RABGAP1L: variants seen among roughly 807,000 people sequenced by gnomAD.
RABGAP1L encodes the protein rab GTPase-activating protein 1-like.
A neutral mutation model predicts 137.7 loss-of-function variants in RABGAP1L; 63 were observed. That is an observed-to-expected ratio of 0.46 (90% CI 0.37 to 0.56). RABGAP1L has a LOEUF of 0.56. Among genes scored for constraint, RABGAP1L ranks in the 20% least tolerant of loss-of-function variants. The probability of loss-of-function intolerance (pLI) is 0.00; values close to 1 mark genes in which losing one functional copy is unlikely to be tolerated. For synonymous variants in RABGAP1L, 431 were observed against 433.7 expected, an observed-to-expected ratio of 0.99 and a Z score of 0.08; for missense variants, 1,095 against 1,244.0, an observed-to-expected ratio of 0.88 and a Z score of 1.80.
At chr1:174,446,326 G>A (rs971991717) in intron 13 of RABGAP1L, among the ~76,000 whole-genome samples, 1 of 152,136 alleles carries the variant, frequency 6.6e-6, no homozygotes, top group African/African-American at 2.4e-5. Flanking sequence ...ATATCCTATG[G>A]CTATTATAAA....
At chr1:174,330,759 A>G (rs1229244166) in intron 11 of RABGAP1L, among the ~76,000 whole-genome samples, 2 of 152,220 alleles carry the variant, frequency 1.3e-5, no homozygotes, top group Admixed American at 6.5e-5. Context: ...AAATGTCTAT[A>G]CTACCCAAAG....
At position 174,322,025 on chromosome 1, in the gene RABGAP1L, AT is replaced by A. The variant is rs1680042203; in HGVS notation, c.1465+16900del. 2.6e-5 allele frequency among the ~76,000 whole-genome samples: 4 copies of A among 152,092 alleles called. No individual in the cohort carries two copies. In the South Asian group the frequency reaches 8.3e-4, roughly 32 times the overall value. On this transcript the variant is annotated intron_variant, in intron 11 of 25. Coordinates refer to ENST00000681986, the MANE Select transcript of RABGAP1L (RefSeq NM_001366446.1). Reference sequence around the variant, plus strand: ...GATGTGTTTTGCACATATTTCTTTCATTCTGTAATTTGTTTTCATTTTCTGA... The same window carrying A: ...GATGTGTTTTGCACATATTTCTTTCATCTGTAATTTGTTTTCATTTTCTGA...
intron 13 of RABGAP1L, among the ~76,000 whole-genome samples, chr1:174,623,314 A>T (rs932920892): frequency 5.9e-5 from 9 of 152,188 alleles, no homozygotes; most frequent in African/African-American, 2.2e-4. Flanking sequence ...GTGGAGTCTA[A>T]CCAACAGCAA....
At chr1:174,492,843 C>T (rs1050065631) in intron 13 of RABGAP1L, among the ~76,000 whole-genome samples, 3 of 151,958 alleles carry the variant, frequency 2.0e-5, no homozygotes, top group Non-Finnish European at 2.9e-5. Context: ...AGGGTTTCTT[C>T]CTTCATCACT....
chr1:174,360,786 T>G (rs1684069891), intron 11 of RABGAP1L, among the ~76,000 whole-genome samples: 1 of 152,216 alleles, frequency 6.6e-6, no homozygotes, highest in South Asian at 2.1e-4. Context: ...ATTAATTAAC[T>G]AGTTTTTCTA....
At chr1:174,317,315 A>G (rs1357493384) in intron 11 of RABGAP1L, among the ~76,000 whole-genome samples, 1 of 152,066 alleles carries the variant, frequency 6.6e-6, no homozygotes, top group South Asian at 2.1e-4. Flanking sequence ...GTACCTGGGT[A>G]TCACTGCTGG....
chr1:174,320,187 A>C (rs1032777438), intron 11 of RABGAP1L, among the ~76,000 whole-genome samples: 1 of 152,190 alleles, frequency 6.6e-6, no homozygotes, highest in Non-Finnish European at 1.5e-5. Flanking sequence ...CACCAGAATT[A>C]TGATATGAAA....
At chr1:174,748,708 A>G (rs1179067492) in intron 17 of RABGAP1L, among the ~76,000 whole-genome samples, 1 of 151,328 alleles carries the variant, frequency 6.6e-6, no homozygotes, top group Non-Finnish European at 1.5e-5. Flanking sequence ...CTCTCTACCA[A>G]AAAAAAAGAA....
intron 14 of RABGAP1L, among the ~76,000 whole-genome samples, chr1:174,665,266 A>G (rs1183063620): frequency 6.6e-6 from 1 of 152,024 alleles, no homozygotes; most frequent in Non-Finnish European, 1.5e-5. Flanking sequence ...AACTGGAACA[A>G]ATTATTTAAC....
chr1:174,259,541 A>G (rs1673403274), intron 7 of RABGAP1L, among the ~76,000 whole-genome samples: 1 of 152,244 alleles, frequency 6.6e-6, no homozygotes, highest in Non-Finnish European at 1.5e-5. Context: ...ATAAAAGTTT[A>G]TAAAGTTAGA....
At chr1:174,215,255 G>C (rs952572447) in intron 1 of RABGAP1L, among the ~76,000 whole-genome samples, 4 of 152,048 alleles carry the variant, frequency 2.6e-5, no homozygotes, top group African/African-American at 9.6e-5. Context: ...TCAGGAGTTC[G>C]AGCCCAGCCT....
chr1:174,850,596 G>A lies in RABGAP1L; in HGVS notation c.2340+38636G>A, dbSNP rs181279049. ...GCTTTTGTTATTATGTTTACCTTAC[G>A]TTTTCAGTAAATGTAGTAGGCATAA... On this transcript the variant is annotated intron_variant, in intron 19 of 25. Coordinates refer to ENST00000681986, the MANE Select transcript of RABGAP1L (RefSeq NM_001366446.1). Among the ~76,000 whole-genome samples the A allele has an allele frequency of 2.6e-5, 4 of 152,188 alleles. No individual in the cohort carries two copies. The East Asian group carries it at 5.8e-4, about 22-fold the overall frequency.
At chr1:174,271,953 A>G (rs1340543416) in intron 7 of RABGAP1L, among the ~76,000 whole-genome samples, 1 of 151,972 alleles carries the variant, frequency 6.6e-6, no homozygotes, top group African/African-American at 2.4e-5. Flanking sequence ...CCAGGGTAAC[A>G]ACAGTTTGCT....
chr1:174,249,753 C>T (rs1410850139), intron 5 of RABGAP1L, among the ~76,000 whole-genome samples: 2 of 152,092 alleles, frequency 1.3e-5, no homozygotes, highest in Admixed American at 1.3e-4. Context: ...AGCAATTCTC[C>T]TGCTTCAGCC....
At chr1:174,499,850 A>T (rs1296351739) in intron 13 of RABGAP1L, among the ~76,000 whole-genome samples, 1 of 152,140 alleles carries the variant, frequency 6.6e-6, no homozygotes, top group Non-Finnish European at 1.5e-5. Context: ...CTCTGTTTTC[A>T]ATTTCTGTTC....
At chr1:174,622,106 CTCA>C (rs1271367447) in intron 13 of RABGAP1L, among the ~76,000 whole-genome samples, 2 of 152,160 alleles carry the variant, frequency 1.3e-5, no homozygotes, top group African/African-American at 4.8e-5. Context: ...TGAAAAAATG[CTCA>C]TCATCACTGG....
At chr1:174,545,338 C>G (rs570948825) in intron 13 of RABGAP1L, 1 of 152,146 alleles carries the variant, frequency 6.6e-6, no homozygotes, top group African/African-American at 2.4e-5. Context: ...CTGACACTTG[C>G]GGCTTGATCT....
chr1:174,344,202 A>G (rs1308323487), intron 11 of RABGAP1L, among the ~76,000 whole-genome samples: 1 of 152,192 alleles, frequency 6.6e-6, no homozygotes, highest in Non-Finnish European at 1.5e-5. Context: ...AGCATATAGT[A>G]CTTGAAACTT....
At chr1:174,722,595 G>A (rs1002423899) in intron 17 of RABGAP1L, among the ~76,000 whole-genome samples, 3 of 151,678 alleles carry the variant, frequency 2.0e-5, no homozygotes, top group East Asian at 3.9e-4. Context: ...GATTACAGGC[G>A]CCCACCACCA....
Sources: allele counts gnomAD v4.1 joint callset (sites outside exome capture counted in the v4.1 genomes callset), GRCh38; gene constraint gnomAD v4.1.1; transcripts MANE v1.5; gene names NCBI Gene and HGNC (gene_info 2026-07-23, HGNC 2026-07-21).